The following ERC1 variants were observed in gnomAD, a reference collection of about 807,000 sequenced individuals.
ERC1 encodes RAB6 interacting protein 2.
ERC1 carries 56 observed loss-of-function variants against 132.0 expected under a neutral mutation model. The ratio of observed to expected loss-of-function variants is 0.42; its 90% CI spans 0.34 to 0.53. ERC1 has a LOEUF of 0.53. ERC1 is among the 20% of genes least tolerant of loss of function. The pLI is 0.03. For synonymous variants in ERC1, 478 were observed against 476.1 expected, an observed-to-expected ratio of 1.00 and a Z score of -0.05; for missense variants, 1,202 against 1,349.9, an observed-to-expected ratio of 0.89 and a Z score of 1.72.
rs148507359 is a variant in ERC1 at position 1,382,971 on chromosome 12, C to T, written c.2925+10994C>T. Reference sequence around the variant, plus strand: ...GGCTGGGAATGTGGGGAAACCTGGACTCATCCCAGGCTCCTTTCATCCATC... The same window carrying T: ...GGCTGGGAATGTGGGGAAACCTGGATTCATCCCAGGCTCCTTTCATCCATC... On this transcript the variant is annotated intron_variant, in intron 16 of 18. Transcript: ENST00000360905. 1.3e-3 allele frequency among the ~76,000 whole-genome samples: 195 copies of T among 152,250 alleles called. 4 individuals carry two copies. Among genetic ancestry groups the T allele is most frequent in the Non-Finnish European group, 1.9e-3 (130 of 68,018 alleles).
intron 15 of ERC1, among the ~76,000 whole-genome samples, chr12:1,327,380 A>G (rs1057376132): frequency 6.6e-6 from 1 of 152,232 alleles, no homozygotes; most frequent in Non-Finnish European, 1.5e-5. Flanking sequence ...TACCTACAGT[A>G]GGATTTAGAG....
intron 12 of ERC1, among the ~76,000 whole-genome samples, chr12:1,207,881 A>C (rs1046329328): frequency 6.6e-6 from 1 of 152,194 alleles, no homozygotes; most frequent in Non-Finnish European, 1.5e-5. Flanking sequence ...GCAAATAAAA[A>C]TATGGATGCC....
chr12:1,042,419 C>T (rs962009033), intron 2 of ERC1, among the ~76,000 whole-genome samples: 2 of 146,308 alleles, frequency 1.4e-5, no homozygotes, highest in Admixed American at 7.0e-5. Context: ...GATCTTGGCT[C>T]ACTGTAACCT....
At chr12:1,183,257 C>G (rs774332029) in intron 10 of ERC1, 24 bp from the exon 11 acceptor site, 5 of 1,471,644 alleles carry the variant, frequency 3.4e-6, no homozygotes, top group Admixed American at 2.1e-5. Flanking sequence ...ATTATTTATT[C>G]TAGATGTGTG....
intron 18 of ERC1, among the ~76,000 whole-genome samples, chr12:1,464,728 G>A (rs1458206588): frequency 6.6e-6 from 1 of 151,580 alleles, no homozygotes; most frequent in Non-Finnish European, 1.5e-5. Context: ...CACCGTGTTA[G>A]CCAGGGTGGT....
rs1565554169 is a variant in ERC1 at position 1,493,551 on chromosome 12, AT to A, written c.*3322del. 10 of 83,464 alleles carry A rather than the reference AT, an allele frequency of 1.2e-4. No individual in the cohort carries two copies. The highest frequency in any genetic ancestry group is 1.8e-4 in the African/African-American group (4 of 22,560). The allele number at this position is 83,464 out of a possible 1,614,324, so 5.2% of individuals were successfully genotyped here. On this transcript the variant is annotated 3_prime_UTR_variant, in exon 19 of 19. Coordinates refer to ENST00000360905, the MANE Select transcript of ERC1 (RefSeq NM_178040.4). ...CCATTTAAAAAAAAAAAAAAAAAATATATATATATATATATATATATATATA... is the reference window on the plus strand; with the variant it reads ...CCATTTAAAAAAAAAAAAAAAAAATAATATATATATATATATATATATATA...
At chr12:1,354,254 T>TGCAAGCCTTAGTTAA (rs2085310408) in intron 15 of ERC1, among the ~76,000 whole-genome samples, 1 of 152,170 alleles carries the variant, frequency 6.6e-6, no homozygotes, top group African/African-American at 2.4e-5. Context: ...CCAGGTGTGG[T>TGCAAGCCTTAGTTAA]GGCTCATGCC....
At chr12:1,160,672 C>G (rs977417552) in intron 8 of ERC1, among the ~76,000 whole-genome samples, 2 of 152,174 alleles carry the variant, frequency 1.3e-5, no homozygotes, top group African/African-American at 4.8e-5. Flanking sequence ...GATCACACCA[C>G]TGCACTCCAG....
intron 8 of ERC1, among the ~76,000 whole-genome samples, chr12:1,158,348 T>C (rs1951583319): frequency 6.6e-6 from 1 of 152,198 alleles, no homozygotes; most frequent in Non-Finnish European, 1.5e-5. Context: ...GATTCATATT[T>C]AGCTTTTATT....
At chr12:1,426,454 G>A (rs1268592280) in intron 17 of ERC1, among the ~76,000 whole-genome samples, 1 of 152,158 alleles carries the variant, frequency 6.6e-6, no homozygotes, top group Non-Finnish European at 1.5e-5. Flanking sequence ...TAGGAGCAGG[G>A]TGTAGTCGTT....
At chr12:1,375,859 C>T (rs1005860152) in intron 16 of ERC1, among the ~76,000 whole-genome samples, 25 of 151,614 alleles carry the variant, frequency 1.6e-4, no homozygotes, top group African/African-American at 6.1e-4. Context: ...GCCTCAGCCT[C>T]CCGAGTAGCT....
intron 1 of ERC1, among the ~76,000 whole-genome samples, chr12:1,008,113 T>C (rs1964044339): frequency 6.6e-6 from 1 of 152,202 alleles, no homozygotes; most frequent in South Asian, 2.1e-4. Context: ...GGGATTCTGC[T>C]AGATACCGTT....
chr12:1,292,765 C>A (rs1237574407), intron 15 of ERC1, among the ~76,000 whole-genome samples: 1 of 152,216 alleles, frequency 6.6e-6, no homozygotes, highest in African/African-American at 2.4e-5. Flanking sequence ...AATCCCAACA[C>A]TTTGGGAGGC....
intron 15 of ERC1, among the ~76,000 whole-genome samples, chr12:1,360,510 A>T (rs947802877): frequency 1.3e-5 from 2 of 152,214 alleles, no homozygotes; most frequent in African/African-American, 2.4e-5. Flanking sequence ...CTTACACTTC[A>T]CTGTAATCCA....
intron 12 of ERC1, among the ~76,000 whole-genome samples, chr12:1,220,768 C>G (rs1412636236): frequency 1.3e-5 from 2 of 152,186 alleles, no homozygotes; most frequent in African/African-American, 2.4e-5. Context: ...AATATTTGCT[C>G]TCTGATCCTT....
intron 1 of ERC1, among the ~76,000 whole-genome samples, chr12:1,002,722 G>T (rs1962643376): frequency 1.3e-5 from 2 of 152,072 alleles, no homozygotes; most frequent in South Asian, 2.1e-4. Flanking sequence ...CGTTCTGGTG[G>T]ATTTGTAGTA....
rs140242602 is a variant in ERC1, at chr12:1,461,579, A to C, written c.3213+16829A>C. Among the ~76,000 whole-genome samples the C allele has an allele frequency of 3.6e-3, 554 of 152,226 alleles. 4 individuals are homozygous for C. The highest frequency in any genetic ancestry group is 0.013 in the African/African-American group (526 of 41,540). Reference sequence around the variant, plus strand: ...GCTACTTGGGAGGCTGAGGCAGGAGAATAGCTTGAACCCAGGAGGCAGAGG... The same window carrying C: ...GCTACTTGGGAGGCTGAGGCAGGAGCATAGCTTGAACCCAGGAGGCAGAGG... On this transcript the variant is annotated intron_variant, in intron 18 of 18. Transcript: ENST00000360905.
At chr12:1,154,319 G>GTATATA (rs201196014) in intron 8 of ERC1, among the ~76,000 whole-genome samples, 1 of 139,276 alleles carries the variant, frequency 7.2e-6, no homozygotes, top group African/African-American at 2.9e-5. Context: ...ATGTGTGTGT[G>GTATATA]TATATATATA....
intron 8 of ERC1, chr12:1,152,247 A>T (rs988314324): frequency 6.6e-6 from 1 of 151,908 alleles, no homozygotes; most frequent in African/African-American, 2.4e-5. Context: ...ATGTCTTAAT[A>T]TGGTGGTATC....
Sources: gnomAD v4.1 joint callset for allele counts (sites outside exome capture counted in the v4.1 genomes callset) on GRCh38, gnomAD v4.1.1 for gene constraint, MANE v1.5 for transcripts, NCBI Gene and HGNC (gene_info 2026-07-23, HGNC 2026-07-21) for gene names.